Variants in CYP2J2 observed in about 807,000 individuals in gnomAD.
CYP2J2 encodes cytochrome P450 2J2.
A neutral mutation model predicts 48.8 loss-of-function variants in CYP2J2; 41 were observed. The observed-to-expected ratio is 0.84, with a 90% CI of 0.66 to 1.09. The LOEUF (loss-of-function observed/expected upper bound fraction) is 1.09. Ranked by LOEUF, CYP2J2 falls within the 50% of genes least tolerant of loss-of-function variation. The pLI, the probability that CYP2J2 is intolerant of heterozygous loss-of-function variation, is 0.00. For missense variants in CYP2J2, 644 were observed against 617.3 expected (o/e 1.04, Z -0.46); for synonymous variants, 221 against 227.1 (o/e 0.97, Z 0.24).
At chr1:59,896,344 A>T (rs781591671) in intron 8 of CYP2J2, among the ~76,000 whole-genome samples, 4 of 151,376 alleles carry the variant, frequency 2.6e-5, no homozygotes, top group Non-Finnish European at 5.9e-5. Context: ...ATATATATAT[A>T]CACCAAATAT....
the CYP2J2 span, among the ~76,000 whole-genome samples, chr1:59,955,352 G>A: frequency 2.7e-5 from 4 of 149,932 alleles, no homozygotes; most frequent in African/African-American, 9.8e-5. Context: ...TCTTGCTTAC[G>A]AGAGAATGCT....
intron 8 of CYP2J2, among the ~76,000 whole-genome samples, chr1:59,896,296 A>C (rs751932928): frequency 2.7e-4 from 38 of 141,584 alleles, no homozygotes; most frequent in Non-Finnish European, 5.4e-4. Context: ...GTGTGTGTAC[A>C]TATATAAAAT....
At chr1:59,911,801 C>T (rs1470637800) in intron 3 of CYP2J2, 33 bp from the exon 4 acceptor site, 1 of 1,598,882 alleles carries the variant, frequency 6.3e-7, no homozygotes, top group African/African-American at 1.3e-5. Context: ...ATGGATCCTT[C>T]TGATGGATTT....
chr1:59,950,719 T>C, the CYP2J2 span, among the ~76,000 whole-genome samples: 1 of 152,344 alleles, frequency 6.6e-6, no homozygotes, highest in South Asian at 2.1e-4. Context: ...ATCTCAGTCC[T>C]GTGTGCACTG....
At chr1:59,965,021 CTGAGA>C in the CYP2J2 span, among the ~76,000 whole-genome samples, 12 of 152,164 alleles carry the variant, frequency 7.9e-5, no homozygotes, top group Non-Finnish European at 1.8e-4. Flanking sequence ...AGGATATATC[CTGAGA>C]TGAGAGTTTA....
chr1:59,940,471 T>C, the CYP2J2 span, among the ~76,000 whole-genome samples: 6 of 152,196 alleles, frequency 3.9e-5, no homozygotes, highest in African/African-American at 1.4e-4. Flanking sequence ...ATTAAAATAA[T>C]GGCCATTACT....
At chr1:59,914,183 T>G (rs1008885652) in intron 2 of CYP2J2, among the ~76,000 whole-genome samples, 15 of 152,338 alleles carry the variant, frequency 9.8e-5, no homozygotes, top group African/African-American at 3.4e-4. Context: ...CTGATACTAT[T>G]TTTCTTTCTG....
At chr1:59,951,831 C>T in the CYP2J2 span, among the ~76,000 whole-genome samples, 16 of 152,166 alleles carry the variant, frequency 1.1e-4, no homozygotes, top group African/African-American at 3.6e-4. Flanking sequence ...AATACCATAT[C>T]TTTGGCTCAG....
Position 59,909,796 on chromosome 1 carries a change from T to G in CYP2J2, c.849A>C (p.Lys283Asn). The change falls in exon 5 of 9, where the codon AAA (lysine) becomes AAC (asparagine). Residue 283 changes from lysine (K) to asparagine (N), a missense_variant. Lys to Asn is a moderately conservative substitution (Grantham distance 94). Coordinates refer to ENST00000371204, the MANE Select transcript of CYP2J2 (RefSeq NM_000775.4). ...TTGGTTTTCTCACCTTTGACATTTCTTTAAGGTAAGCATCAATAAAGTCTC... is the reference window on the plus strand; with the variant it reads ...TTGGTTTTCTCACCTTTGACATTTCGTTAAGGTAAGCATCAATAAAGTCTC... ...ETRDFIDAYL[K>N]EMSKHTGNPT... The G allele has an allele frequency of 1.3e-6, 2 of 1,583,752 alleles. No individual in the cohort carries two copies. The highest frequency in any genetic ancestry group is 8.5e-7 in the Non-Finnish European group (1 of 1,170,642).
Position 59,902,612 on chromosome 1 carries a change from A to T in CYP2J2, c.1192-1509T>A, listed in dbSNP as rs1219310592. Reference sequence around the variant, plus strand: ...TATATTTTTAGTAGAGACGGTTTTCACCATGTTGGCCAGGCTGATCTCGAA... The same window carrying T: ...TATATTTTTAGTAGAGACGGTTTTCTCCATGTTGGCCAGGCTGATCTCGAA... On this transcript the variant is annotated intron_variant, in intron 7 of 8. Coordinates refer to ENST00000371204, the MANE Select transcript of CYP2J2 (RefSeq NM_000775.4). Among the ~76,000 whole-genome samples, 2 of 151,908 alleles carry T rather than the reference A, an allele frequency of 1.3e-5. 1 individual carries two copies. The highest frequency in any genetic ancestry group is 4.2e-4 in the South Asian group (2 of 4,816).
intron 1 of CYP2J2, among the ~76,000 whole-genome samples, chr1:59,919,308 T>C (rs1644492903): frequency 6.6e-6 from 1 of 152,238 alleles, no homozygotes; most frequent in Admixed American, 6.5e-5. Flanking sequence ...TTTTTTCTCA[T>C]TGATAACGTG....
At chr1:59,953,876 G>C in the CYP2J2 span, among the ~76,000 whole-genome samples, 2 of 152,152 alleles carry the variant, frequency 1.3e-5, no homozygotes, top group East Asian at 3.9e-4. Flanking sequence ...ATAGTAAGGA[G>C]TGTGATTTTA....
chr1:59,904,190 C>T (rs1357895621), intron 7 of CYP2J2, among the ~76,000 whole-genome samples: 1 of 152,180 alleles, frequency 6.6e-6, no homozygotes, highest in East Asian at 1.9e-4. Flanking sequence ...GGCCAACCAA[C>T]ATGGTGAAAC....
At chr1:59,967,573 T>C in the CYP2J2 span, among the ~76,000 whole-genome samples, 1 of 152,218 alleles carries the variant, frequency 6.6e-6, no homozygotes, top group Non-Finnish European at 1.5e-5. Flanking sequence ...AGACTTGCCT[T>C]TGTGTGTGTC....
At chr1:59,944,424 T>C in the CYP2J2 span, among the ~76,000 whole-genome samples, 1 of 152,308 alleles carries the variant, frequency 6.6e-6, no homozygotes, top group South Asian at 2.1e-4. Flanking sequence ...GGTTTCACCA[T>C]GTTGGACAGG....
intron 2 of CYP2J2, 43 bp from the exon 3 acceptor site, chr1:59,912,354 AT>A (rs779472188): frequency 6.4e-7 from 1 of 1,573,838 alleles, no homozygotes; most frequent in Non-Finnish European, 8.7e-7. Flanking sequence ...TGATTCCATA[AT>A]ATGAATATCC....
chr1:59,935,334 A>G, the CYP2J2 span, among the ~76,000 whole-genome samples: 3 of 152,026 alleles, frequency 2.0e-5, no homozygotes, highest in Non-Finnish European at 4.4e-5. Flanking sequence ...AATGTACAGA[A>G]TGGTGACTAT....
At chr1:59,935,639 A>G in the CYP2J2 span, among the ~76,000 whole-genome samples, 6 of 152,260 alleles carry the variant, frequency 3.9e-5, no homozygotes, top group Non-Finnish European at 7.3e-5. Context: ...AAAAATAGAT[A>G]TTAAGTAAAC....
the CYP2J2 span, among the ~76,000 whole-genome samples, chr1:59,957,692 ACACACACACAC>A: frequency 2.4e-4 from 36 of 151,374 alleles, no homozygotes; most frequent in African/African-American, 7.8e-4. Context: ...ACACACACAC[ACACACACACAC>A]CACACACACA....
Sources: allele counts gnomAD v4.1 joint callset (sites outside exome capture counted in the v4.1 genomes callset), GRCh38; gene constraint gnomAD v4.1.1; transcripts MANE v1.5; gene names NCBI Gene and HGNC (gene_info 2026-07-23, HGNC 2026-07-21).